FAM13A: variants seen among roughly 807,000 people sequenced by gnomAD.
FAM13A encodes the protein family with sequence similarity 13 member A.
A neutral mutation model predicts 129.6 loss-of-function variants in FAM13A; 76 were observed. That is an observed-to-expected ratio of 0.59 (90% confidence interval 0.49 to 0.71). FAM13A has a LOEUF of 0.71. FAM13A is among the 30% of genes least tolerant of loss of function. The probability of loss-of-function intolerance (pLI) is 0.00; values close to 1 mark genes in which losing one functional copy is unlikely to be tolerated. For missense variants in FAM13A, 1,108 were observed against 1,249.3 expected (o/e 0.89, Z 1.70); for synonymous variants, 443 against 449.9 (o/e 0.98, Z 0.20).
intron 3 of FAM13A, among the ~76,000 whole-genome samples, chr4:88,994,043 T>G (rs977157009): frequency 1.3e-5 from 2 of 151,658 alleles, no homozygotes; most frequent in African/African-American, 4.8e-5. Flanking sequence ...CAAAATATAC[T>G]CTGAAAAGTC....
At chr4:88,836,283 G>A (rs968524290) in intron 7 of FAM13A, among the ~76,000 whole-genome samples, 5 of 152,062 alleles carry the variant, frequency 3.3e-5, no homozygotes, top group African/African-American at 9.7e-5. Context: ...GTATTGTTTT[G>A]TAACACTATT....
intron 2 of FAM13A, among the ~76,000 whole-genome samples, chr4:89,028,223 A>G (rs1768230705): frequency 6.7e-6 from 1 of 149,946 alleles, no homozygotes; most frequent in Non-Finnish European, 1.5e-5. Context: ...AAAAAAAAAA[A>G]GCCCCCAAAA....
chr4:88,784,292 A>G (rs1205497970), intron 10 of FAM13A, among the ~76,000 whole-genome samples: 1 of 152,166 alleles, frequency 6.6e-6, no homozygotes, highest in Non-Finnish European at 1.5e-5. Flanking sequence ...ATCACCTTAT[A>G]GTACTGGGTG....
intron 4 of FAM13A, among the ~76,000 whole-genome samples, chr4:88,975,816 T>G (rs145453548): frequency 1.4e-3 from 210 of 152,328 alleles, no homozygotes; most frequent in African/African-American, 4.9e-3. Flanking sequence ...TAACCCGTGA[T>G]GAGTGAGATA....
At chr4:88,861,745 G>A (rs1739529349) in intron 6 of FAM13A, among the ~76,000 whole-genome samples, 1 of 152,144 alleles carries the variant, frequency 6.6e-6, no homozygotes, top group African/African-American at 2.4e-5. Flanking sequence ...AAGCATAATT[G>A]CAATAATAGC....
At chr4:88,901,400 ACTC>A (rs1561288926) in intron 6 of FAM13A, among the ~76,000 whole-genome samples, 1 of 152,046 alleles carries the variant, frequency 6.6e-6, no homozygotes, top group African/African-American at 2.4e-5. Flanking sequence ...GAAGTAAAAC[ACTC>A]CTCAACAAAT....
chr4:89,008,585 A>G (rs1765356781), intron 3 of FAM13A, among the ~76,000 whole-genome samples: 1 of 152,242 alleles, frequency 6.6e-6, no homozygotes, highest in Non-Finnish European at 1.5e-5. Flanking sequence ...GCAGTATAAA[A>G]TAAAAAGGCT....
intron 7 of FAM13A, among the ~76,000 whole-genome samples, chr4:88,805,717 A>AGAGT (rs1208815765): frequency 6.6e-6 from 1 of 151,920 alleles, no homozygotes; most frequent in Non-Finnish European, 1.5e-5. Context: ...TGGCCAGGCT[A>AGAGT]GAGTGCACTG....
At position 88,749,002 on chromosome 4, in the gene FAM13A, T is replaced by C; in HGVS notation, c.2111A>G (p.Glu704Gly). The change falls in exon 17 of 24, where the codon GAG (glutamate) becomes GGG (glycine). Residue 704 changes from glutamate (E) to glycine (G), a missense_variant. By Grantham distance (98) the Glu-to-Gly change is moderately conservative. Around this residue, in one of 3 missense-constraint regions of FAM13A, gnomAD observed 529 missense variants for 621.2 expected, o/e 0.85. Coordinates refer to ENST00000264344, the MANE Select transcript of FAM13A (RefSeq NM_014883.4). ...AAGGTCATTTGTCCATTTCAGAACC[T>C]CCGGATTGGCTGCTTTGTCACTGTG... ...PSHSDKAANP[E>G]VLKWTNDLAK... 6.2e-7 allele frequency: 1 copy of C among 1,614,008 alleles called. No individual in the cohort carries two copies. Among genetic ancestry groups the C allele is most frequent in the Non-Finnish European group, 8.5e-7 (1 of 1,179,892 alleles).
chr4:88,869,312 G>A (rs1740967796), intron 6 of FAM13A, among the ~76,000 whole-genome samples: 1 of 152,138 alleles, frequency 6.6e-6, no homozygotes, highest in African/African-American at 2.4e-5. Context: ...ACTTGTCAAT[G>A]GTTTTTCATT....
chr4:88,887,530 C>CTTTTTTTTTTTTTTTTTTTTTTT lies in FAM13A; in HGVS notation c.843+18848_843+18849insAAAAAAAAAAAAAAAAAAAAAAA, dbSNP rs33953927. ...TTGGTTCACATATGTACCTTTCTTT[C>CTTTTTTTTTTTTTTTTTTTTTTT]TTTCTTTTTTTTTTTTTTGAGACAG... On this transcript the variant is annotated intron_variant, in intron 6 of 23. Coordinates refer to ENST00000264344, the MANE Select transcript of FAM13A (RefSeq NM_014883.4). 1.6e-5 allele frequency among the ~76,000 whole-genome samples: 2 copies of CTTTTTTTTTTTTTTTTTTTTTTT among 128,756 alleles called. 1 individual carries two copies. 84.5% of individuals were successfully genotyped at this position (128,756 alleles called of 152,430 possible). A position where few individuals can be genotyped will look rare whatever the true frequency, so the allele number is the denominator to read the frequency against.
chr4:88,818,820 A>T (rs1731322860), intron 7 of FAM13A, among the ~76,000 whole-genome samples: 1 of 152,172 alleles, frequency 6.6e-6, no homozygotes, highest in South Asian at 2.1e-4. Context: ...AGATAAATTA[A>T]CTGAAAGGTG....
intron 6 of FAM13A, among the ~76,000 whole-genome samples, chr4:88,856,530 A>C (rs183666573): frequency 0.012 from 1,884 of 152,076 alleles, 19 homozygotes; most frequent in African/African-American, 0.021. Context: ...AAAAAACCCC[A>C]AAAAAACCAA....
intron 7 of FAM13A, among the ~76,000 whole-genome samples, chr4:88,846,017 T>C (rs1048665592): frequency 2.6e-5 from 4 of 152,216 alleles, no homozygotes; most frequent in African/African-American, 9.6e-5. Context: ...TTTAGATAAA[T>C]ACTTGGCATA....
At chr4:88,953,587 T>C (rs968010924) in intron 4 of FAM13A, among the ~76,000 whole-genome samples, 3 of 152,176 alleles carry the variant, frequency 2.0e-5, no homozygotes, top group Non-Finnish European at 1.5e-5. Flanking sequence ...CTCCAGAACC[T>C]TTTCATCTGG....
chr4:88,765,775 G>A (rs1745615691), intron 13 of FAM13A, among the ~76,000 whole-genome samples: 1 of 152,174 alleles, frequency 6.6e-6, no homozygotes, highest in African/African-American at 2.4e-5. Flanking sequence ...AAGGTGACAT[G>A]GAGAGCTTAG....
chr4:88,929,305 T>G (rs1752692720), intron 5 of FAM13A, among the ~76,000 whole-genome samples: 1 of 152,320 alleles, frequency 6.6e-6, no homozygotes, highest in African/African-American at 2.4e-5. Context: ...CTTTTTTCTC[T>G]GGCTAATTTG....
At chr4:88,961,219 A>G (rs2148914713) in intron 4 of FAM13A, among the ~76,000 whole-genome samples, 1 of 152,268 alleles carries the variant, frequency 6.6e-6, no homozygotes, top group African/African-American at 2.4e-5. Flanking sequence ...TGAAAGCTTT[A>G]AAACAAAATA....
chr4:89,011,442 C>A (rs1045520415), intron 3 of FAM13A, among the ~76,000 whole-genome samples: 4 of 152,152 alleles, frequency 2.6e-5, no homozygotes, highest in African/African-American at 7.2e-5. Flanking sequence ...AGGACTATGA[C>A]CTAGATTTCT....
Sources: gnomAD v4.1 joint callset for allele counts (sites outside exome capture counted in the v4.1 genomes callset) on GRCh38, gnomAD v4.1.1 for gene constraint, gnomAD v4.1.1 regional missense constraint, MANE v1.5 for transcripts, NCBI Gene and HGNC (gene_info 2026-07-23, HGNC 2026-07-21) for gene names.